Variants in LYPLAL1 observed in about 807,000 individuals in gnomAD.
The protein encoded by LYPLAL1 is lysophospholipase-like protein 1.
A neutral mutation model predicts 19.7 loss-of-function variants in LYPLAL1; 23 were observed. That is an observed-to-expected ratio of 1.17 (90% CI 0.84 to 1.65). LYPLAL1 has a LOEUF of 1.65. Among genes scored for constraint, LYPLAL1 ranks in the 40% most tolerant of loss-of-function variants. The pLI, the probability that LYPLAL1 is intolerant of heterozygous loss-of-function variation, is 0.00. For missense variants in LYPLAL1, 355 were observed against 279.4 expected, an observed-to-expected ratio of 1.27 and a Z score of -1.93; for synonymous variants, 119 against 96.3, an observed-to-expected ratio of 1.24 and a Z score of -1.38.
chr1:219,254,705 T>C, the LYPLAL1 span, among the ~76,000 whole-genome samples: 6 of 152,012 alleles, frequency 3.9e-5, no homozygotes, highest in Non-Finnish European at 8.8e-5. Flanking sequence ...CTAGCTGCCT[T>C]TAACATTCTT....
At chr1:219,437,521 A>G in the LYPLAL1 span, among the ~76,000 whole-genome samples, 16 of 151,816 alleles carry the variant, frequency 1.1e-4, no homozygotes, top group African/African-American at 3.9e-4. Flanking sequence ...CTCCCTCCCT[A>G]CATTTCCATA....
chr1:219,442,927 T>A, the LYPLAL1 span, among the ~76,000 whole-genome samples: 1 of 152,134 alleles, frequency 6.6e-6, no homozygotes, highest in Admixed American at 6.6e-5. Context: ...ATATCTTACA[T>A]CCCAGTTATT....
Position 219,211,779 on chromosome 1 carries a change from G to C in LYPLAL1, c.*51G>C, listed in dbSNP as rs993312122. 8.8e-7 allele frequency: 1 copy of C among 1,141,310 alleles called. No homozygotes were observed. Among genetic ancestry groups the C allele is most frequent in the Admixed American group, 2.4e-5 (1 of 41,134 alleles). The allele number at this position is 1,141,310 out of a possible 1,614,324, so 70.7% of individuals were successfully genotyped here. A position where few individuals can be genotyped will look rare whatever the true frequency, so the allele number is the denominator to read the frequency against. Reference sequence around the variant, plus strand: ...TAAGTGTAATGTCTTTGTGAAAAGTGATTTTTACTGCCAAATTATAATGAT... The same window carrying C: ...TAAGTGTAATGTCTTTGTGAAAAGTCATTTTTACTGCCAAATTATAATGAT... On this transcript the variant is annotated 3_prime_UTR_variant, in exon 5 of 5. Coordinates refer to ENST00000366928, the MANE Select transcript of LYPLAL1 (RefSeq NM_138794.5).
At chr1:219,415,823 A>G in the LYPLAL1 span, among the ~76,000 whole-genome samples, 1 of 152,224 alleles carries the variant, frequency 6.6e-6, no homozygotes, top group Non-Finnish European at 1.5e-5. Flanking sequence ...AGATTTTGGT[A>G]GTGGCCAGTA....
chr1:219,370,035 C>T, the LYPLAL1 span, among the ~76,000 whole-genome samples: 6 of 152,328 alleles, frequency 3.9e-5, no homozygotes, highest in South Asian at 1.0e-3. Flanking sequence ...GACTCTGTGG[C>T]TCCGTCCTGG....
chr1:219,220,999 A>G, the LYPLAL1 span, among the ~76,000 whole-genome samples: 1 of 152,166 alleles, frequency 6.6e-6, no homozygotes, highest in African/African-American at 2.4e-5. Context: ...TCAGAAACAT[A>G]TGGTCAATGT....
At chr1:219,250,376 G>A in the LYPLAL1 span, among the ~76,000 whole-genome samples, 1 of 151,876 alleles carries the variant, frequency 6.6e-6, no homozygotes, top group Non-Finnish European at 1.5e-5. Context: ...TTCTTGAAGC[G>A]ATGGCTCAAA....
At chr1:219,219,179 C>A in the LYPLAL1 span, among the ~76,000 whole-genome samples, 1 of 152,152 alleles carries the variant, frequency 6.6e-6, no homozygotes, top group African/African-American at 2.4e-5. Context: ...AAGACTGGCA[C>A]AAACTTCATA....
the LYPLAL1 span, among the ~76,000 whole-genome samples, chr1:219,346,475 T>TC: frequency 6.7e-6 from 1 of 150,346 alleles, no homozygotes; most frequent in South Asian, 2.1e-4. Context: ...TTTTTTTTTT[T>TC]TTCAAAAAAG....
the LYPLAL1 span, among the ~76,000 whole-genome samples, chr1:219,319,116 A>C: frequency 6.6e-6 from 1 of 152,224 alleles, no homozygotes; most frequent in Admixed American, 6.5e-5. Flanking sequence ...GTGTTGGTAA[A>C]CTAAAAAGCA....
At chr1:219,347,897 C>T in the LYPLAL1 span, among the ~76,000 whole-genome samples, 5 of 151,880 alleles carry the variant, frequency 3.3e-5, no homozygotes, top group East Asian at 1.9e-4. Flanking sequence ...TGAGCTCCCC[C>T]ACAGGAGCAG....
At position 219,211,790 on chromosome 1, in the gene LYPLAL1, C is replaced by T; in HGVS notation, c.*62C>T. ...TCTTTGTGAAAAGTGATTTTTACTG[C>T]CAAATTATAATGATAATTAAAATAT... is the stretch of plus-strand genomic sequence containing the variant. On this transcript the variant is annotated 3_prime_UTR_variant, in exon 5 of 5. Coordinates refer to ENST00000366928, the MANE Select transcript of LYPLAL1 (RefSeq NM_138794.5). 1 of 1,029,486 alleles carries T rather than the reference C, an allele frequency of 9.7e-7. No individual in the cohort carries two copies. The highest frequency in any genetic ancestry group is 2.5e-5 in the East Asian group (1 of 40,596). 63.8% of individuals were successfully genotyped at this position (1,029,486 alleles called of 1,614,324 possible).
At chr1:219,287,641 G>A in the LYPLAL1 span, among the ~76,000 whole-genome samples, 2 of 152,200 alleles carry the variant, frequency 1.3e-5, no homozygotes, top group Non-Finnish European at 2.9e-5. Flanking sequence ...CACTGGGAAG[G>A]CAAAATGGAG....
the LYPLAL1 span, chr1:219,435,387 C>T: frequency 5.9e-4 from 90 of 152,238 alleles, 2 homozygotes; most frequent in African/African-American, 2.1e-3. Flanking sequence ...AAAGACAGTT[C>T]CTTCTCCACA....
At chr1:219,309,384 A>G in the LYPLAL1 span, among the ~76,000 whole-genome samples, 1 of 152,076 alleles carries the variant, frequency 6.6e-6, no homozygotes. Context: ...GAAATGAGTT[A>G]AGACTTTGGG....
the LYPLAL1 span, among the ~76,000 whole-genome samples, chr1:219,387,012 T>G: frequency 1.3e-5 from 2 of 152,200 alleles, no homozygotes; most frequent in Non-Finnish European, 2.9e-5. Flanking sequence ...ATACCATTTC[T>G]CTGCTTTAAA....
At chr1:219,356,371 G>A in the LYPLAL1 span, among the ~76,000 whole-genome samples, 7 of 152,028 alleles carry the variant, frequency 4.6e-5, no homozygotes, top group South Asian at 4.1e-4. Flanking sequence ...ATGGTGATGC[G>A]CACCTGTAGT....
chr1:219,231,059 G>A, the LYPLAL1 span, among the ~76,000 whole-genome samples: 1 of 152,282 alleles, frequency 6.6e-6, no homozygotes, highest in East Asian at 1.9e-4. Context: ...AACAATGACA[G>A]CTAACTCATA....
chr1:219,425,229 C>A, the LYPLAL1 span, among the ~76,000 whole-genome samples: 1 of 152,130 alleles, frequency 6.6e-6, no homozygotes, highest in Non-Finnish European at 1.5e-5. Context: ...GACTTAATCA[C>A]CTCTCAAGGC....
Sources: gnomAD v4.1 joint callset for allele counts (sites outside exome capture counted in the v4.1 genomes callset) on GRCh38, gnomAD v4.1.1 for gene constraint, MANE v1.5 for transcripts, NCBI Gene and HGNC (gene_info 2026-07-23, HGNC 2026-07-21) for gene names.